The following LSS variants were observed in gnomAD, a reference collection of about 807,000 sequenced individuals.
LSS encodes 2,3-epoxysqualene-lanosterol cyclase.
LSS carries 90 observed loss-of-function variants against 110.3 expected under a neutral mutation model. The ratio of observed to expected loss-of-function variants is 0.82; its 90% confidence interval spans 0.69 to 0.97. The LOEUF is 0.97. LSS is among the 50% of genes least tolerant of loss of function. The pLI, the probability that LSS is intolerant of heterozygous loss-of-function variation, is 0.00. For missense variants in LSS, 927 were observed against 990.0 expected, an observed-to-expected ratio of 0.94 and a Z score of 0.85; for synonymous variants, 433 against 400.0, an observed-to-expected ratio of 1.08 and a Z score of -0.98.
rs1300053355 is a variant in LSS, at chr21:46,209,179, A to C, written c.1266+375T>G. ...AACAGTCTCAGGAGGGCAAGTCCACAGGCTGGCGTCACCTCCATGGGCAGA... is the reference window on the plus strand; with the variant it reads ...AACAGTCTCAGGAGGGCAAGTCCACCGGCTGGCGTCACCTCCATGGGCAGA... On this transcript the variant is annotated intron_variant, in intron 13 of 21. Transcript: ENST00000397728. This position sits in a 1 kb window ranked among gnomAD's most constrained non-coding sequence, Gnocchi z 4.4. 1.3e-4 allele frequency among the ~76,000 whole-genome samples: 20 copies of C among 152,148 alleles called. No homozygotes were observed. The highest frequency in any genetic ancestry group is 1.3e-3 in the Admixed American group (20 of 15,282).
At position 46,190,786 on chromosome 21, in the gene LSS, T is replaced by A; in HGVS notation, c.*318A>T. The stretch of plus-strand genomic sequence containing the variant: ...CAGCTATTGGTCAGAAAAAACCTCC[T>A]AGCCTCACTACCTTGAGGCCGTGCC... On this transcript the variant is annotated 3_prime_UTR_variant, in exon 22 of 22. Coordinates refer to ENST00000397728, the MANE Select transcript of LSS (RefSeq NM_002340.6). The surrounding 1 kb of genome is among the most constrained non-coding windows in gnomAD (Gnocchi z 4.6). 2.9e-6 allele frequency: 1 copy of A among 346,752 alleles called. No individual in the cohort carries two copies. The highest frequency in any genetic ancestry group is 5.3e-6 in the Non-Finnish European group (1 of 187,612). The allele number at this position is 346,752 out of a possible 1,614,324, so 21.5% of individuals were successfully genotyped here.
At chr21:46,222,474 C>T in intron 4 of LSS, 156 bp downstream of exon 4, 1 of 628,528 alleles carries the variant, frequency 1.6e-6, no homozygotes, top group Non-Finnish European at 2.8e-6. Flanking sequence ...TGGCCTTCAG[C>T]CCACTCCCCG....
At chr21:46,223,992 C>T (rs2080308223) in intron 3 of LSS, among the ~76,000 whole-genome samples, 2 of 152,186 alleles carry the variant, frequency 1.3e-5, no homozygotes, top group Non-Finnish European at 2.9e-5. Flanking sequence ...TGGAGGGCCT[C>T]ACATTAGTCA....
intron 3 of LSS, among the ~76,000 whole-genome samples, chr21:46,224,408 CTCTT>C (rs2080312839): frequency 6.6e-6 from 1 of 152,250 alleles, no homozygotes; most frequent in Non-Finnish European, 1.5e-5. Context: ...TGTCTTTTAT[CTCTT>C]TGTCTTGCGT....
Position 46,214,586 on chromosome 21 carries a change from G to A in LSS, c.1011+594C>T, listed in dbSNP as rs887563815. Among the ~76,000 whole-genome samples, 6 of 152,140 alleles carry A rather than the reference G, an allele frequency of 3.9e-5. No individual in the cohort carries two copies. In the East Asian group the frequency reaches 7.7e-4, roughly 20 times the overall value. ...CCGCAGCAGCTACGCGCACAGCTATGGCAGCAGCTGCAGCACAGCCCAGGG... is the reference window on the plus strand; with the variant it reads ...CCGCAGCAGCTACGCGCACAGCTATAGCAGCAGCTGCAGCACAGCCCAGGG... On this transcript the variant is annotated intron_variant, in intron 9 of 21. Coordinates refer to ENST00000397728, the MANE Select transcript of LSS (RefSeq NM_002340.6).
rs931828495 is a variant in LSS at position 46,217,546 on chromosome 21, GT to G, written c.648-1023del. Reference sequence around the variant, plus strand: ...TTCACACCCACTTACTTAAAAGGGTGTTTTTTTTTCTCACATTTTGGGTTAC... The same window carrying G: ...TTCACACCCACTTACTTAAAAGGGTGTTTTTTTTCTCACATTTTGGGTTAC... On this transcript the variant is annotated intron_variant, in intron 6 of 21. Coordinates refer to ENST00000397728, the MANE Select transcript of LSS (RefSeq NM_002340.6). Among the ~76,000 whole-genome samples, 184 of 151,542 alleles carry G rather than the reference GT, an allele frequency of 1.2e-3. 2 individuals carry two copies. Among genetic ancestry groups the G allele is most frequent in the African/African-American group, 4.1e-3 (171 of 41,362 alleles).
chr21:46,218,297 G>A (rs1037085822), intron 6 of LSS, among the ~76,000 whole-genome samples: 2 of 151,862 alleles, frequency 1.3e-5, no homozygotes, highest in African/African-American at 4.8e-5. Flanking sequence ...CTGGGGAGAT[G>A]TCCACTGCTT....
At chr21:46,197,897 C>A (rs28579476) in intron 17 of LSS, among the ~76,000 whole-genome samples, 4 of 147,670 alleles carry the variant, frequency 2.7e-5, no homozygotes, top group African/African-American at 2.5e-5. Context: ...AAAAAAAAAA[C>A]AAAAAACAAA....
chr21:46,214,960 C>CG (rs960980489), intron 9 of LSS, among the ~76,000 whole-genome samples: 3 of 151,686 alleles, frequency 2.0e-5, no homozygotes, highest in Non-Finnish European at 4.4e-5. Context: ...GGGACGGAAG[C>CG]GGGGGGTCGA....
intron 5 of LSS, among the ~76,000 whole-genome samples, chr21:46,221,175 G>GGGCTTGGAGAGGTGGACAGCCCCA (rs2080275390): frequency 2.0e-5 from 3 of 151,088 alleles, no homozygotes; most frequent in Non-Finnish European, 4.4e-5. Flanking sequence ...GGACAGCCCC[G>GGGCTTGGAGAGGTGGACAGCCCCA]GGCTTGGAGA....
chr21:46,191,073 C>T lies in LSS; in HGVS notation c.*31G>A, dbSNP rs781530319. 6.8e-6 allele frequency: 11 copies of T among 1,613,370 alleles called. No individual in the cohort carries two copies. The African/African-American group carries it at 1.5e-4, about 22-fold the overall frequency. ...AGGACCCCTTGGCCTCACTGGAACG[C>T]ACAGACGGCACCCAGCAGGTAGGCA... On this transcript the variant is annotated 3_prime_UTR_variant, in exon 22 of 22. Coordinates refer to ENST00000397728, the MANE Select transcript of LSS (RefSeq NM_002340.6).
chr21:46,213,041 T>C lies in LSS; in HGVS notation c.1121A>G (p.Asp374Gly). The stretch of plus-strand genomic sequence containing the variant: ...AGCCCTTACCTGCATTTTCATGCCG[T>C]CAAGGCCCATCCTGTGAGGAGAAAA... Reference protein sequence around the residue: ...RIPDYLWMGLDGMKMQGTNGS... With the variant: ...RIPDYLWMGLGGMKMQGTNGS... The change falls in exon 11 of 22, where the codon GAC becomes GGC. Residue 374 changes from aspartate (D) to glycine (G), a missense_variant. Asp to Gly is a moderately conservative substitution (Grantham distance 94, BLOSUM62 -1). Coordinates refer to ENST00000397728, the MANE Select transcript of LSS (RefSeq NM_002340.6). 6.2e-7 allele frequency: 1 copy of C among 1,613,848 alleles called. No individual in the cohort carries two copies. Among genetic ancestry groups the C allele is most frequent in the East Asian group, 2.2e-5 (1 of 44,870 alleles).
intron 11 of LSS, 90 bp downstream of exon 11, chr21:46,212,935 G>A (rs2080152082): frequency 6.7e-7 from 1 of 1,494,058 alleles, no homozygotes; most frequent in South Asian, 1.1e-5. Context: ...CCTGGTCCAG[G>A]AGGAGTTATT....
chr21:46,203,541 C>T (rs913000022), intron 17 of LSS, among the ~76,000 whole-genome samples: 1 of 152,228 alleles, frequency 6.6e-6, no homozygotes, highest in African/African-American at 2.4e-5. Flanking sequence ...TGCAAAGAAC[C>T]TGCTTTACTT....
At chr21:46,223,189 T>C (rs2080298222) in intron 3 of LSS, among the ~76,000 whole-genome samples, 1 of 152,214 alleles carries the variant, frequency 6.6e-6, no homozygotes, top group Non-Finnish European at 1.5e-5. Context: ...AATACCTACT[T>C]ATTTATTTAT....
rs1489644546 is a variant in LSS, at chr21:46,219,457, C to T, written c.647+19G>A. 1 of 1,560,356 alleles carries T rather than the reference C, an allele frequency of 6.4e-7. No homozygotes were observed. On this transcript the variant is annotated intron_variant, in intron 6 of 21. Transcript: ENST00000397728. ...GGACAGCAGCAGCGACCCAACAACC[C>T]AATCAACAGCAGACATACCACATCT...
At chr21:46,197,090 C>T (rs1009713153) in intron 17 of LSS, among the ~76,000 whole-genome samples, 16 of 152,216 alleles carry the variant, frequency 1.1e-4, no homozygotes, top group African/African-American at 3.4e-4. Context: ...CACACAGAAA[C>T]GGTGAAGTAA....
rs2080095011 is a variant in LSS at position 46,209,274 on chromosome 21, T to C, written c.1266+280A>G. On this transcript the variant is annotated intron_variant, in intron 13 of 21. Transcript: ENST00000397728. This position sits in a 1 kb window ranked among gnomAD's most constrained non-coding sequence, Gnocchi z 4.4. ...AGGGTACACAGCCCCTGCCCGTGCC[T>C]GGCCCTTGCACACAGTGGCTCCAAC... 6.6e-6 allele frequency among the ~76,000 whole-genome samples: 1 copy of C among 152,152 alleles called. No homozygotes were observed. Among genetic ancestry groups the C allele is most frequent in the Non-Finnish European group, 1.5e-5 (1 of 68,012 alleles).
Position 46,194,635 on chromosome 21 carries a change from G to T in LSS, c.1844C>A (p.Ala615Asp). The T allele has an allele frequency of 6.2e-7, 1 of 1,613,298 alleles. No homozygotes were observed. Among genetic ancestry groups the T allele is most frequent in the Non-Finnish European group, 8.5e-7 (1 of 1,179,990 alleles). ...CTGCCGGGACAGCAGGAAGTCACAG[G>T]CCCGGGAGACCTCTGCACAGGCAGT... is the stretch of plus-strand genomic sequence containing the variant. ...DGTACAEVSR[A>D]CDFLLSRQMA... is the part of the protein sequence containing the mutation. The change falls in exon 20 of 22, where the codon GCC (alanine) becomes GAC (aspartate). Residue 615 changes from alanine to aspartate, a missense_variant. Ala to Asp is a moderately radical substitution (Grantham distance 126, BLOSUM62 -2). Coordinates refer to ENST00000397728, the MANE Select transcript of LSS (RefSeq NM_002340.6).
Sources: gnomAD v4.1 joint callset for allele counts (sites outside exome capture counted in the v4.1 genomes callset) on GRCh38, gnomAD v4.1.1 for gene constraint, Gnocchi (gnomAD v3.1) non-coding constraint, MANE v1.5 for transcripts, NCBI Gene and HGNC (gene_info 2026-07-23, HGNC 2026-07-21) for gene names.